Variants in DLGAP3 observed in about 807,000 individuals in gnomAD.
DLGAP3 encodes the protein disks large-associated protein 3.
In DLGAP3, 17 loss-of-function variants were observed where a neutral mutation model predicts 81.2. That is an observed-to-expected ratio of 0.21 (90% CI 0.14 to 0.31). The LOEUF is 0.31. Among genes scored for constraint, DLGAP3 ranks in the 10% least tolerant of loss-of-function variants. The pLI is 1.00. For missense variants in DLGAP3, 1,124 were observed against 1,388.0 expected, an observed-to-expected ratio of 0.81 and a Z score of 3.02; for synonymous variants, 577 against 587.4, an observed-to-expected ratio of 0.98 and a Z score of 0.26.
chr1:34,874,832 G>A (rs1295151767), intron 8 of DLGAP3, among the ~76,000 whole-genome samples: 1 of 151,972 alleles, frequency 6.6e-6, no homozygotes, highest in East Asian at 1.9e-4. Context: ...GGTGGGAGGG[G>A]GAGTGGGCAG....
At chr1:34,909,292 G>A (rs911869509) in intron 1 of DLGAP3, among the ~76,000 whole-genome samples, 1 of 152,106 alleles carries the variant, frequency 6.6e-6, no homozygotes, top group African/African-American at 2.4e-5. Flanking sequence ...GGAGAAGATG[G>A]GCCCTATAAT....
Position 34,885,810 on chromosome 1 carries a change from G to C in DLGAP3, c.1601-19C>G. On this transcript the variant is annotated intron_variant, in intron 6 of 11. Transcript: ENST00000373347. The stretch of plus-strand genomic sequence containing the variant: ...TTGAAGGCTGTGGCCGGCGAGCGCA[G>C]AGACGCAGTGGGTGAGGCTCGCGGC... The C allele has an allele frequency of 7.2e-7, 1 of 1,397,434 alleles. No homozygotes were observed. The highest frequency in any genetic ancestry group is 9.3e-7 in the Non-Finnish European group (1 of 1,077,236). 86.6% of individuals were successfully genotyped at this position (1,397,434 alleles called of 1,614,324 possible).
chr1:34,906,338 C>A (rs866035162), intron 2 of DLGAP3, among the ~76,000 whole-genome samples: 1 of 151,936 alleles, frequency 6.6e-6, no homozygotes, highest in African/African-American at 2.4e-5. Context: ...CTGCCCTACA[C>A]CCCACTGTTG....
At chr1:34,871,248 C>G (rs1015800172) in intron 8 of DLGAP3, among the ~76,000 whole-genome samples, 1 of 152,178 alleles carries the variant, frequency 6.6e-6, no homozygotes, top group Admixed American at 6.5e-5. Context: ...TCCTCTTCAA[C>G]CTCATCTCCC....
intron 1 of DLGAP3, among the ~76,000 whole-genome samples, chr1:34,908,275 A>G (rs772856215): frequency 2.0e-5 from 3 of 152,246 alleles, no homozygotes; most frequent in Non-Finnish European, 4.4e-5. Flanking sequence ...ATGTTAGGCT[A>G]CGTCAGATGA....
chr1:34,869,511 T>C (rs1468017237), intron 8 of DLGAP3, among the ~76,000 whole-genome samples: 1 of 122,966 alleles, frequency 8.1e-6, no homozygotes, highest in Non-Finnish European at 1.7e-5. Context: ...TTTTTGGAGA[T>C]GGAGTTTTGC....
At position 34,866,544 on chromosome 1, in the gene DLGAP3, A is replaced by G. The variant is rs578169068; in HGVS notation, c.2722-243T>C. Among the ~76,000 whole-genome samples the G allele has an allele frequency of 1.4e-4, 22 of 152,250 alleles. No homozygotes were observed. The South Asian group carries it at 3.5e-3, about 24-fold the overall frequency. The stretch of plus-strand genomic sequence containing the variant: ...GCGCCCCCTGGTGGCGCCGTTCTCA[A>G]CAGCTCGCAGCAGAGCCGGTTTTTC... On this transcript the variant is annotated intron_variant, in intron 11 of 11. Transcript: ENST00000373347.
chr1:34,877,078 A>G (rs1471324630), intron 8 of DLGAP3, among the ~76,000 whole-genome samples: 1 of 152,244 alleles, frequency 6.6e-6, no homozygotes, highest in African/African-American at 2.4e-5. Flanking sequence ...AGAAACAGGA[A>G]GGAAATTCAA....
rs1422974736 is a variant in DLGAP3 at position 34,868,493 on chromosome 1, A to G, written c.2485+112T>C. Reference sequence around the variant, plus strand: ...CAGTGCAGAAGACCAGTGAGGCACCAACCGAAGGGGCCTCCTGTTACACTG... The same window carrying G: ...CAGTGCAGAAGACCAGTGAGGCACCGACCGAAGGGGCCTCCTGTTACACTG... On this transcript the variant is annotated intron_variant, in intron 9 of 11. Transcript: ENST00000373347. The surrounding 1 kb of genome is among the most constrained non-coding windows in gnomAD (Gnocchi z 7.5). 1 of 882,618 alleles carries G rather than the reference A, an allele frequency of 1.1e-6. No homozygotes were observed. Among genetic ancestry groups the G allele is most frequent in the Non-Finnish European group, 1.9e-6 (1 of 537,648 alleles). The allele number at this position is 882,618 out of a possible 1,614,324, so 54.7% of individuals were successfully genotyped here.
chr1:34,910,213 A>G (rs1317991524), intron 1 of DLGAP3, among the ~76,000 whole-genome samples: 1 of 152,152 alleles, frequency 6.6e-6, no homozygotes, highest in Non-Finnish European at 1.5e-5. Flanking sequence ...GTGATAAGGA[A>G]TGCGCTCTTT....
chr1:34,905,038 G>A lies in DLGAP3; in HGVS notation c.346C>T (p.Arg116Cys), dbSNP rs1250319709. The A allele has an allele frequency of 1.1e-5, 18 of 1,604,512 alleles. No individual in the cohort carries two copies. Among genetic ancestry groups the A allele is most frequent in the South Asian group, 4.5e-5 (4 of 89,822 alleles). The stretch of plus-strand genomic sequence containing the variant: ...TGATCCAGGAGTGTAGGAGGCAGGC[G>A]GGGGGCACCCTTGCCCTGTGGGTGG... ...VGHPQGKGAP[R>C]LPPTLLDQFE... Residue 116 changes from arginine (R) to cysteine (C), a missense_variant, in exon 3 of 12, where the codon CGC becomes TGC. Arg to Cys is a radical substitution (Grantham distance 180, BLOSUM62 -3). Coordinates refer to ENST00000373347, the MANE Select transcript of DLGAP3 (RefSeq NM_001080418.3).
At chr1:34,896,279 G>C (rs938709466) in intron 5 of DLGAP3, among the ~76,000 whole-genome samples, 1 of 152,138 alleles carries the variant, frequency 6.6e-6, no homozygotes, top group Non-Finnish European at 1.5e-5. Flanking sequence ...AACAAGAAGG[G>C]AAGAGGTCAT....
chr1:34,869,525 T>C (rs1300233042), intron 8 of DLGAP3, among the ~76,000 whole-genome samples: 2 of 148,502 alleles, frequency 1.3e-5, no homozygotes, highest in Admixed American at 6.8e-5. Context: ...GTTTTGCTCT[T>C]GTTGCCCAGG....
rs373027324 is a variant in DLGAP3 at position 34,900,107 on chromosome 1, G to A, written c.1274C>T (p.Thr425Ile). 6.2e-7 allele frequency: 1 copy of A among 1,613,772 alleles called. No homozygotes were observed. The highest frequency in any genetic ancestry group is 1.3e-5 in the African/African-American group (1 of 74,928). The change falls in exon 4 of 12, where the codon ACC becomes ATC. Residue 425 changes from threonine (T) to isoleucine (I), a missense_variant. Thr to Ile is a moderately conservative substitution (Grantham distance 89). This residue lies in a region of DLGAP3 where 357 missense variants were observed against 408.8 expected (regional missense o/e 0.87). Transcript: ENST00000373347. This position sits in a 1 kb window ranked among gnomAD's most constrained non-coding sequence, Gnocchi z 5.6. ...TSPKAVARRF[T>I]TRRSSSVDQA... Reference sequence around the variant, plus strand: ...GTCCACGCTGGAGGAGCGACGGGTGGTGAAGCGTCGGGCGACTGCTTTGGG... The same window carrying A: ...GTCCACGCTGGAGGAGCGACGGGTGATGAAGCGTCGGGCGACTGCTTTGGG...
chr1:34,905,121 G>A lies in DLGAP3; in HGVS notation c.263C>T (p.Thr88Ile), dbSNP rs1179373894. ...AGAGVGGGSS[T>I]FPRMYPGQGP... ...CTGGCCAGGGTACATCCTGGGGAAG[G>A]TGCTGCTACCCCCCCCAACCCCGGC... The change falls in exon 3 of 12, where the codon ACC (threonine) becomes ATC (isoleucine). Residue 88 changes from threonine (T) to isoleucine (I), a missense_variant. Physicochemically the swap from Thr to Ile is moderately conservative, Grantham distance 89. Coordinates refer to ENST00000373347, the MANE Select transcript of DLGAP3 (RefSeq NM_001080418.3). The A allele has an allele frequency of 2.5e-6, 4 of 1,579,554 alleles. No homozygotes were observed. The highest frequency in any genetic ancestry group is 2.6e-6 in the Non-Finnish European group (3 of 1,162,118).
chr1:34,904,677 G>A lies in DLGAP3; in HGVS notation c.707C>T (p.Ser236Phe), dbSNP rs1471660733. The change falls in exon 3 of 12, where the codon TCC becomes TTC. Residue 236 changes from serine to phenylalanine, a missense_variant. Physicochemically the swap from Ser to Phe is radical, Grantham distance 155. This residue lies in a region of DLGAP3 where 357 missense variants were observed against 408.8 expected (regional missense o/e 0.87). Coordinates refer to ENST00000373347, the MANE Select transcript of DLGAP3 (RefSeq NM_001080418.3). This position sits in a 1 kb window ranked among gnomAD's most constrained non-coding sequence, Gnocchi z 8.1. ...HHHHHHHHHQ[S>F]RHGKRSKSKD... is the part of the protein sequence containing the mutation. Reference sequence around the variant, plus strand: ...GCTCTTGCTCCTCTTGCCGTGCCGGGACTGGTGGTGGTGGTGATGGTGGTG... The same window carrying A: ...GCTCTTGCTCCTCTTGCCGTGCCGGAACTGGTGGTGGTGGTGATGGTGGTG... 6.2e-7 allele frequency: 1 copy of A among 1,614,108 alleles called. No homozygotes were observed. The highest frequency in any genetic ancestry group is 1.1e-5 in the South Asian group (1 of 91,086).
intron 8 of DLGAP3, among the ~76,000 whole-genome samples, chr1:34,875,047 A>G (rs4653112): frequency 0.83 from 126,859 of 152,032 alleles, 54,255 homozygotes; most frequent in Non-Finnish European, 0.93. Flanking sequence ...GGTCAGTCAG[A>G]AACCGTCCTA....
In DLGAP3 at chr1:34,896,585, T is replaced by TCA. The variant is rs10593156; in HGVS notation, c.1386+3082_1386+3083dup. 8.2e-3 allele frequency among the ~76,000 whole-genome samples: 1,201 copies of TCA among 146,828 alleles called. 21 individuals are homozygous for TCA. Among genetic ancestry groups the TCA allele is most frequent in the African/African-American group, 0.02 (770 of 39,270 alleles). On this transcript the variant is annotated intron_variant, in intron 5 of 11. Coordinates refer to ENST00000373347, the MANE Select transcript of DLGAP3 (RefSeq NM_001080418.3). ...GCCTGGGCAACAGAGCCAGACTCCATCACACACACACACACACACACACAC... is the reference window on the plus strand; with the variant it reads ...GCCTGGGCAACAGAGCCAGACTCCATCACACACACACACACACACACACACAC...
chr1:34,866,057 G>C lies in DLGAP3; in HGVS notation c.*26C>G, dbSNP rs550649598. On this transcript the variant is annotated 3_prime_UTR_variant, in exon 12 of 12. Transcript: ENST00000373347. ...AGTACGGGTGGAGAACCGCGGGCCC[G>C]GGCCGGGCTGGGCGGGCCGGACCGG... is the stretch of plus-strand genomic sequence containing the variant. 1.4e-5 allele frequency: 22 copies of C among 1,578,638 alleles called. No individual in the cohort carries two copies. The highest frequency in any genetic ancestry group is 1.9e-5 in the Non-Finnish European group (22 of 1,166,704).
Sources: gnomAD v4.1 joint callset for allele counts (sites outside exome capture counted in the v4.1 genomes callset) on GRCh38, gnomAD v4.1.1 for gene constraint, gnomAD v4.1.1 regional missense constraint, Gnocchi (gnomAD v3.1) non-coding constraint, MANE v1.5 for transcripts, NCBI Gene and HGNC (gene_info 2026-07-23, HGNC 2026-07-21) for gene names.